CSMD1: variants seen among roughly 807,000 people sequenced by gnomAD.
The protein encoded by CSMD1 is CUB and sushi domain-containing protein 1.
CSMD1 carries 213 observed loss-of-function variants against 417.5 expected under a neutral mutation model. The ratio of observed to expected loss-of-function variants is 0.51; its 90% confidence interval spans 0.46 to 0.57. The LOEUF is 0.57. Among genes scored for constraint, CSMD1 ranks in the 20% least tolerant of loss-of-function variants. The probability of loss-of-function intolerance (pLI) is 0.00; values close to 1 mark genes in which losing one functional copy is unlikely to be tolerated. For synonymous variants in CSMD1, 2,862 were observed against 1,736.8 expected, an observed-to-expected ratio of 1.65 and a Z score of -16.11; for missense variants, 6,923 against 4,529.7, an observed-to-expected ratio of 1.53 and a Z score of -15.17.
Position 3,496,671 on chromosome 8 carries a change from C to G in CSMD1, c.1345-2945G>C, listed in dbSNP as rs780406287. On this transcript the variant is annotated intron_variant, in intron 10 of 69. Transcript: ENST00000635120. ...TGAAACCCTGTCTCCACTAAAAATA[C>G]AAAAATTAGCCTGGCATGGTGGCGT... Among the ~76,000 whole-genome samples the G allele has an allele frequency of 2.0e-5, 3 of 152,100 alleles. No individual in the cohort carries two copies. In the East Asian group the frequency reaches 5.8e-4, roughly 30 times the overall value.
chr8:4,163,295 C>G (rs1376969311), intron 3 of CSMD1, among the ~76,000 whole-genome samples: 1 of 152,114 alleles, frequency 6.6e-6, no homozygotes, highest in African/African-American at 2.4e-5. Context: ...GTTTAGTTTT[C>G]TAAGAAACCA....
chr8:3,756,403 AT>A (rs1348246892), intron 5 of CSMD1, among the ~76,000 whole-genome samples: 1 of 152,056 alleles, frequency 6.6e-6, no homozygotes, highest in African/African-American at 2.4e-5. Flanking sequence ...ATCAATAATT[AT>A]TTTTATACAC....
chr8:4,154,755 C>A (rs186181064), intron 3 of CSMD1, among the ~76,000 whole-genome samples: 1 of 151,890 alleles, frequency 6.6e-6, no homozygotes, highest in Non-Finnish European at 1.5e-5. Context: ...CTAATATCCC[C>A]GTAAGATATG....
Position 3,214,658 on chromosome 8 carries a change from T to G in CSMD1, c.4706A>C (p.Asn1569Thr). 2 of 1,551,788 alleles carry G rather than the reference T, an allele frequency of 1.3e-6. No individual in the cohort carries two copies. The highest frequency in any genetic ancestry group is 8.7e-7 in the Non-Finnish European group (1 of 1,147,036). The change falls in exon 30 of 70, where the codon AAT becomes ACT. Residue 1569 changes from asparagine (N) to threonine (T), a missense_variant. Coordinates refer to ENST00000635120, the MANE Select transcript of CSMD1 (RefSeq NM_033225.6). ...TCCAACTCTTGTCCCATTCATTATA[T>G]TTCCTGGGTCAAAACAAGCTTCCCG... is the stretch of plus-strand genomic sequence containing the variant. ...KPREACFDPG[N>T]IMNGTRVGTD... is the part of the protein sequence containing the mutation.
At chr8:4,611,084 T>C (rs913108510) in intron 2 of CSMD1, among the ~76,000 whole-genome samples, 4 of 152,240 alleles carry the variant, frequency 2.6e-5, no homozygotes, top group Admixed American at 2.0e-4. Flanking sequence ...AAGAAGACCA[T>C]AGAGAATTGC....
At chr8:4,902,296 G>A (rs536379915) in intron 1 of CSMD1, among the ~76,000 whole-genome samples, 10 of 149,616 alleles carry the variant, frequency 6.7e-5, no homozygotes, top group East Asian at 2.1e-4. Context: ...AAAAATCCTG[G>A]CATGATGGCA....
intron 3 of CSMD1, among the ~76,000 whole-genome samples, chr8:4,100,388 C>A (rs1454188352): frequency 1.3e-5 from 2 of 152,306 alleles, no homozygotes; most frequent in Non-Finnish European, 1.5e-5. Context: ...CTTCCACCTT[C>A]CCTGTGTCTA....
Position 3,274,402 on chromosome 8 carries a change from C to T in CSMD1, c.4153+9742G>A, listed in dbSNP as rs565849428. Among the ~76,000 whole-genome samples the T allele has an allele frequency of 2.6e-5, 4 of 152,206 alleles. No homozygotes were observed. In the South Asian group the frequency reaches 8.3e-4, roughly 32 times the overall value. On this transcript the variant is annotated intron_variant, in intron 26 of 69. Coordinates refer to ENST00000635120, the MANE Select transcript of CSMD1 (RefSeq NM_033225.6). The stretch of plus-strand genomic sequence containing the variant: ...TGTGGTGCTGAAAAAAATGTATATT[C>T]TGTTGATTTGGGGTGGAGAGTTCTG...
chr8:3,963,353 G>T (rs759708675), intron 5 of CSMD1, among the ~76,000 whole-genome samples: 1 of 152,036 alleles, frequency 6.6e-6, no homozygotes, highest in Non-Finnish European at 1.5e-5. Context: ...AAGAACGTGT[G>T]GTGTTTACTT....
intron 2 of CSMD1, among the ~76,000 whole-genome samples, chr8:4,604,405 G>GTC (rs1800759350): frequency 3.0e-5 from 3 of 101,086 alleles, no homozygotes; most frequent in Non-Finnish European, 7.5e-5. Flanking sequence ...GTGTGTGTGT[G>GTC]TGTGTGCGCG....
intron 54 of CSMD1, among the ~76,000 whole-genome samples, chr8:2,991,132 C>T (rs546437265): frequency 6.6e-6 from 1 of 152,306 alleles, no homozygotes; most frequent in South Asian, 2.1e-4. Flanking sequence ...TCTTGTCCTT[C>T]AACAGGCCAA....
chr8:3,402,460 T>C (rs188584845), intron 15 of CSMD1, among the ~76,000 whole-genome samples: 65 of 152,274 alleles, frequency 4.3e-4, no homozygotes, highest in African/African-American at 1.5e-3. Context: ...CTGAGCTGCA[T>C]TGAGGAATAC....
At chr8:3,029,638 C>T (rs1810206559) in intron 50 of CSMD1, 125 bp from the exon 51 acceptor site, 5 of 717,780 alleles carry the variant, frequency 7.0e-6, no homozygotes, top group South Asian at 3.8e-5. Context: ...GATGCCATTA[C>T]GTATTATCTC....
rs542765675 is a variant in CSMD1 at position 3,219,299 on chromosome 8, C to G, written c.4628G>C (p.Ser1543Thr). The G allele has an allele frequency of 1.6e-5, 25 of 1,593,404 alleles. No individual in the cohort carries two copies. The highest frequency in any genetic ancestry group is 1.6e-5 in the Non-Finnish European group (19 of 1,169,106). The stretch of plus-strand genomic sequence containing the variant: ...CCCTGAAAGGCCCACGGAGGCATCA[C>G]TCCGAAATGCCAGAAACAGGCTGTT... ...SGNSLFLAFR[S>T]DASVGLSGFA... The change falls in exon 29 of 70, where the codon AGT becomes ACT. Residue 1543 changes from serine to threonine, a missense_variant. Ser to Thr is a moderately conservative substitution (Grantham distance 58). Coordinates refer to ENST00000635120, the MANE Select transcript of CSMD1 (RefSeq NM_033225.6).
At chr8:4,255,886 G>A (rs1016013364) in intron 3 of CSMD1, among the ~76,000 whole-genome samples, 1 of 152,144 alleles carries the variant, frequency 6.6e-6, no homozygotes, top group Non-Finnish European at 1.5e-5. Flanking sequence ...CCCTGCTAAT[G>A]GTAAACCCAT....
intron 3 of CSMD1, among the ~76,000 whole-genome samples, chr8:4,172,520 TCTAA>T (rs755900433): frequency 1.4e-4 from 22 of 152,196 alleles, no homozygotes; most frequent in Non-Finnish European, 2.2e-4. Context: ...AACAATATTC[TCTAA>T]CTATTTCTGC....
At chr8:3,906,159 C>A (rs1001996007) in intron 5 of CSMD1, among the ~76,000 whole-genome samples, 1 of 152,142 alleles carries the variant, frequency 6.6e-6, no homozygotes, top group Non-Finnish European at 1.5e-5. Flanking sequence ...AAGCATCATA[C>A]TACCTGCATT....
intron 7 of CSMD1, among the ~76,000 whole-genome samples, chr8:3,641,949 AT>A (rs1251825641): frequency 1.3e-5 from 2 of 152,296 alleles, no homozygotes; most frequent in Admixed American, 1.3e-4. Context: ...CACTGAGTGA[AT>A]CCCTGACACA....
At chr8:3,576,825 T>A (rs1800170554) in intron 9 of CSMD1, among the ~76,000 whole-genome samples, 1 of 152,242 alleles carries the variant, frequency 6.6e-6, no homozygotes, top group Non-Finnish European at 1.5e-5. Flanking sequence ...ATATTAGCAT[T>A]ATCCAACTAG....
Sources: allele counts gnomAD v4.1 joint callset (sites outside exome capture counted in the v4.1 genomes callset), GRCh38; gene constraint gnomAD v4.1.1; transcripts MANE v1.5; gene names NCBI Gene and HGNC (gene_info 2026-07-23, HGNC 2026-07-21).